PRKG1: variants seen among roughly 807,000 people sequenced by gnomAD.
The protein encoded by PRKG1 is protein kinase cGMP-dependent 1.
In PRKG1, 35 loss-of-function variants were observed where a neutral mutation model predicts 88.1. The ratio of observed to expected loss-of-function variants is 0.40; its 90% CI spans 0.30 to 0.53. PRKG1 has a LOEUF of 0.53. Ranked by LOEUF, PRKG1 falls within the 20% of genes least tolerant of loss-of-function variation. The pLI is 0.59. For synonymous variants in PRKG1, 303 were observed against 292.5 expected (o/e 1.04, Z -0.37); for missense variants, 540 against 839.8 (o/e 0.64, Z 4.41).
chr10:52,135,347 C>T (rs1837379213), intron 8 of PRKG1, among the ~76,000 whole-genome samples: 1 of 152,122 alleles, frequency 6.6e-6, no homozygotes, highest in South Asian at 2.1e-4. Flanking sequence ...AGTTCACAAG[C>T]ATGCTGGCAC....
At chr10:51,748,445 CT>C (rs995685339) in intron 3 of PRKG1, among the ~76,000 whole-genome samples, 3 of 152,076 alleles carry the variant, frequency 2.0e-5, no homozygotes, top group Admixed American at 6.5e-5. Context: ...TAGGTTTTAT[CT>C]TTTAAAAGGC....
chr10:51,867,686 G>T (rs1192091101), intron 4 of PRKG1, among the ~76,000 whole-genome samples: 1 of 152,104 alleles, frequency 6.6e-6, no homozygotes, highest in Non-Finnish European at 1.5e-5. Flanking sequence ...AGCAAAATTG[G>T]GGATGGAGCT....
chr10:51,812,895 A>T (rs2132626639), intron 4 of PRKG1, among the ~76,000 whole-genome samples: 1 of 152,286 alleles, frequency 6.6e-6, no homozygotes, highest in South Asian at 2.1e-4. Flanking sequence ...GGATCAGCTT[A>T]GATGATTGCT....
chr10:51,630,991 C>A (rs1394557582), intron 3 of PRKG1, among the ~76,000 whole-genome samples: 4 of 152,164 alleles, frequency 2.6e-5, no homozygotes, highest in African/African-American at 4.8e-5. Context: ...TCTTTTAATT[C>A]AGCATGCTTG....
At chr10:51,555,315 C>G (rs1406877929) in intron 3 of PRKG1, among the ~76,000 whole-genome samples, 2 of 152,020 alleles carry the variant, frequency 1.3e-5, no homozygotes, top group South Asian at 4.1e-4. Flanking sequence ...ATTTTTAAAA[C>G]ATTTTTTGGC....
chr10:51,681,279 A>G (rs1056163668), intron 3 of PRKG1, among the ~76,000 whole-genome samples: 1 of 152,164 alleles, frequency 6.6e-6, no homozygotes, highest in African/African-American at 2.4e-5. Flanking sequence ...CCAGAAACAC[A>G]AATACAGAAT....
At chr10:51,334,867 T>A (rs534732289) in intron 2 of PRKG1, among the ~76,000 whole-genome samples, 2 of 152,222 alleles carry the variant, frequency 1.3e-5, no homozygotes, top group Non-Finnish European at 1.5e-5. Context: ...TAAAAGGGAA[T>A]GTAGGAGAAG....
chr10:51,226,704 G>T (rs550037571), intron 2 of PRKG1, among the ~76,000 whole-genome samples: 3 of 152,140 alleles, frequency 2.0e-5, no homozygotes, highest in South Asian at 4.1e-4. Context: ...GAACTCCACA[G>T]AAATAAACTA....
intron 3 of PRKG1, among the ~76,000 whole-genome samples, chr10:51,475,594 T>C (rs1840167438): frequency 6.6e-6 from 1 of 152,066 alleles, no homozygotes; most frequent in African/African-American, 2.4e-5. Context: ...TTTTGTTTTG[T>C]TGCTGTTGAG....
chr10:51,960,978 G>A (rs1336498491), intron 5 of PRKG1, among the ~76,000 whole-genome samples: 1 of 152,118 alleles, frequency 6.6e-6, no homozygotes, highest in East Asian at 1.9e-4. Flanking sequence ...GAGCTCATTT[G>A]ATATGTGTTC....
intron 3 of PRKG1, among the ~76,000 whole-genome samples, chr10:51,491,494 C>A (rs1840706310): frequency 6.6e-6 from 1 of 151,844 alleles, no homozygotes; most frequent in Non-Finnish European, 1.5e-5. Context: ...GTCATCAAAC[C>A]CATTTGACAG....
intron 3 of PRKG1, among the ~76,000 whole-genome samples, chr10:51,757,090 C>T (rs2132519987): frequency 6.6e-6 from 1 of 151,558 alleles, no homozygotes; most frequent in South Asian, 2.1e-4. Flanking sequence ...TCCTCACTTT[C>T]ATTTTATTTT....
intron 3 of PRKG1, among the ~76,000 whole-genome samples, chr10:51,804,354 T>C (rs2132610736): frequency 6.6e-6 from 1 of 152,272 alleles, no homozygotes; most frequent in East Asian, 1.9e-4. Flanking sequence ...GGAATCTTCC[T>C]AGTAGATAAT....
intron 3 of PRKG1, among the ~76,000 whole-genome samples, chr10:51,655,413 G>T (rs1279634401): frequency 6.6e-6 from 1 of 152,004 alleles, no homozygotes; most frequent in East Asian, 1.9e-4. Flanking sequence ...TACTTTTCAG[G>T]TTAAATTATG....
chr10:51,628,933 T>C (rs1839447611), intron 3 of PRKG1, among the ~76,000 whole-genome samples: 1 of 144,270 alleles, frequency 6.9e-6, no homozygotes, highest in South Asian at 2.2e-4. Flanking sequence ...CAGTCCGCAG[T>C]CCGGCCTGGG....
At position 51,774,442 on chromosome 10, in the gene PRKG1, G is replaced by A. The variant is rs1266190616; in HGVS notation, c.593-30143G>A. Among the ~76,000 whole-genome samples the A allele has an allele frequency of 4.6e-5, 7 of 151,850 alleles. No individual in the cohort carries two copies. The East Asian group carries it at 9.7e-4, about 21-fold the overall frequency. On this transcript the variant is annotated intron_variant, in intron 3 of 17. Coordinates refer to ENST00000373980, the MANE Select transcript of PRKG1 (RefSeq NM_006258.4). ...AATTAAATTCTTAGCCTATCCTTAC[G>A]GTTCTTTCCTTATTTAAATTCAAAG...
At chr10:51,408,207 T>C (rs536498969) in intron 2 of PRKG1, among the ~76,000 whole-genome samples, 1 of 152,298 alleles carries the variant, frequency 6.6e-6, no homozygotes, top group East Asian at 1.9e-4. Flanking sequence ...CTGGAGAACT[T>C]TGTCCCAGCC....
intron 3 of PRKG1, among the ~76,000 whole-genome samples, chr10:51,558,423 A>G (rs890907393): frequency 9.9e-5 from 15 of 152,088 alleles, no homozygotes; most frequent in African/African-American, 2.7e-4. Context: ...AAAAAAATTA[A>G]TTTATTTATT....
At chr10:51,230,059 A>G (rs918411101) in intron 2 of PRKG1, among the ~76,000 whole-genome samples, 3 of 152,150 alleles carry the variant, frequency 2.0e-5, no homozygotes, top group Non-Finnish European at 4.4e-5. Flanking sequence ...CAACACGTAC[A>G]AGGATATTCT....
Sources: gnomAD v4.1 joint callset for allele counts (sites outside exome capture counted in the v4.1 genomes callset) on GRCh38, gnomAD v4.1.1 for gene constraint, MANE v1.5 for transcripts, NCBI Gene and HGNC (gene_info 2026-07-23, HGNC 2026-07-21) for gene names.